ALG9: variants seen among roughly 807,000 people sequenced by gnomAD.
ALG9 encodes the protein alpha-1,2-mannosyltransferase ALG9.
In ALG9, 55 loss-of-function variants were observed where a neutral mutation model predicts 81.8. That is an observed-to-expected ratio of 0.67 (90% CI 0.54 to 0.84). The LOEUF is 0.84. Among genes scored for constraint, ALG9 ranks in the 40% least tolerant of loss-of-function variants. The pLI, the probability that ALG9 is intolerant of heterozygous loss-of-function variation, is 0.00. For missense variants in ALG9, 629 were observed against 745.0 expected (o/e 0.84, Z 1.81); for synonymous variants, 278 against 274.3 (o/e 1.01, Z -0.13).
intron 8 of ALG9, 114 bp from the exon 9 acceptor site, chr11:111,844,837 G>T: frequency 8.4e-7 from 1 of 1,190,938 alleles, no homozygotes; most frequent in Non-Finnish European, 1.2e-6. Context: ...TGCCTCATGG[G>T]AATGAGAGTG....
At chr11:111,804,710 T>C (rs1236101652) in intron 14 of ALG9, among the ~76,000 whole-genome samples, 1 of 152,230 alleles carries the variant, frequency 6.6e-6, no homozygotes, top group Admixed American at 6.5e-5. Flanking sequence ...TATGAAAAGA[T>C]GCTCTGCATC....
intron 13 of ALG9, chr11:111,828,713 A>G (rs782816058): frequency 6.6e-6 from 1 of 152,246 alleles, no homozygotes; most frequent in African/African-American, 2.4e-5. Flanking sequence ...AATGTTGCTC[A>G]AGTCCACCAC....
intron 3 of ALG9, among the ~76,000 whole-genome samples, chr11:111,867,355 A>G (rs896556408): frequency 6.6e-6 from 1 of 152,250 alleles, no homozygotes; most frequent in Non-Finnish European, 1.5e-5. Context: ...AAAACAGTCC[A>G]TCGATAGATT....
At position 111,833,541 on chromosome 11, in the gene ALG9, C is replaced by T. The variant is rs578028398; in HGVS notation, c.1602+2624G>A. Among the ~76,000 whole-genome samples the T allele has an allele frequency of 6.6e-5, 10 of 152,322 alleles. No individual in the cohort carries two copies. The South Asian group carries it at 1.9e-3, about 28-fold the overall frequency. On this transcript the variant is annotated intron_variant, in intron 13 of 14. Coordinates refer to ENST00000616540, the MANE Select transcript of ALG9 (RefSeq NM_024740.2). ...ATAAAAAAAGTCATACAACTTTCCT[C>T]GTTTCCATGCACAATAGAAACGGGA...
intron 14 of ALG9, among the ~76,000 whole-genome samples, chr11:111,791,633 G>A (rs1040898862): frequency 2.0e-5 from 3 of 151,892 alleles, no homozygotes; most frequent in Admixed American, 6.6e-5. Flanking sequence ...TCTTCCTCCC[G>A]GACCTCTACA....
At chr11:111,815,363 G>A (rs1294478652) in intron 13 of ALG9, among the ~76,000 whole-genome samples, 3 of 151,960 alleles carry the variant, frequency 2.0e-5, no homozygotes, top group Non-Finnish European at 2.9e-5. Flanking sequence ...TGATTGTGCC[G>A]CTGCACTCCA....
chr11:111,791,956 G>A (rs1443365598), intron 14 of ALG9, among the ~76,000 whole-genome samples: 3 of 152,184 alleles, frequency 2.0e-5, no homozygotes, highest in Non-Finnish European at 2.9e-5. Context: ...GGTGGCGTGC[G>A]CCTGTAATCC....
intron 10 of ALG9, 50 bp downstream of exon 10, chr11:111,840,605 T>C: frequency 6.2e-7 from 1 of 1,609,148 alleles, no homozygotes. Context: ...TGAGCAATTA[T>C]TTAATAAGTA....
At position 111,797,695 on chromosome 11, in the gene ALG9, C is replaced by T. The variant is rs536672399; in HGVS notation, c.1734-11175G>A. ...TATGCTGGAGCTAAGGGCTGGCTCC[C>T]TTCAACCAGATTACTCTCTACAACA... is the stretch of plus-strand genomic sequence containing the variant. On this transcript the variant is annotated intron_variant, in intron 14 of 14. Transcript: ENST00000616540. Among the ~76,000 whole-genome samples the T allele has an allele frequency of 2.9e-4, 44 of 152,308 alleles. 1 individual carries two copies. Among genetic ancestry groups the T allele is most frequent in the Admixed American group, 4.6e-4 (7 of 15,290 alleles).
chr11:111,816,069 G>A (rs1192043800), intron 13 of ALG9, among the ~76,000 whole-genome samples: 1 of 152,170 alleles, frequency 6.6e-6, no homozygotes, highest in Non-Finnish European at 1.5e-5. Flanking sequence ...TTGGTTTTAG[G>A]TTACATCTTC....
Position 111,836,233 on chromosome 11 carries a change from C to A in ALG9, c.1534G>T (p.Gly512Ter). 2.5e-6 allele frequency: 4 copies of A among 1,614,034 alleles called. No individual in the cohort carries two copies. The highest frequency in any genetic ancestry group is 3.4e-6 in the Non-Finnish European group (4 of 1,179,974). Residue 512 changes from glycine to a stop codon, truncating the protein, a stop_gained, in exon 13 of 15, where the codon GGA becomes TGA. Transcript: ENST00000616540. LOFTEE classifies it high-confidence loss of function. ...GGAACAATCCGGGTGGCCAGAGGTC[C>A]TTCTGCAAAAGGTTTTGGTAACTGA... ...RGQLPKPFAE[G>*]PLATRIVPTD... is the part of the protein sequence containing the mutation.
chr11:111,789,554 A>G (rs1947054717), intron 14 of ALG9, among the ~76,000 whole-genome samples: 1 of 151,604 alleles, frequency 6.6e-6, no homozygotes, highest in African/African-American at 2.4e-5. Context: ...AAATAACTTA[A>G]AAATAGGTTG....
At chr11:111,840,311 G>A (rs1555122435) in intron 10 of ALG9, among the ~76,000 whole-genome samples, 1 of 152,170 alleles carries the variant, frequency 6.6e-6, no homozygotes, top group Non-Finnish European at 1.5e-5. Context: ...ACTGCCTGCT[G>A]TGATCCCAAA....
intron 5 of ALG9, among the ~76,000 whole-genome samples, chr11:111,859,954 A>T (rs1446908337): frequency 6.6e-6 from 1 of 152,116 alleles, no homozygotes; most frequent in African/African-American, 2.4e-5. Flanking sequence ...CTTATACAAC[A>T]CAAATGTTCA....
chr11:111,777,115 T>G, the ALG9 span, among the ~76,000 whole-genome samples: 1 of 151,734 alleles, frequency 6.6e-6, no homozygotes, highest in Non-Finnish European at 1.5e-5. Flanking sequence ...TGGCTGGTAA[T>G]TGCCACTAAG....
At chr11:111,831,843 T>C (rs1555113608) in intron 13 of ALG9, among the ~76,000 whole-genome samples, 1 of 152,260 alleles carries the variant, frequency 6.6e-6, no homozygotes, top group Non-Finnish European at 1.5e-5. Flanking sequence ...CAGTCAATTC[T>C]GTTCTAATAC....
intron 13 of ALG9, among the ~76,000 whole-genome samples, chr11:111,835,564 G>C (rs782294556): frequency 3.9e-5 from 6 of 152,184 alleles, no homozygotes; most frequent in Non-Finnish European, 8.8e-5. Flanking sequence ...GATTTTAATA[G>C]GCCAAGGAAT....
At chr11:111,809,250 C>T (rs1028672001) in intron 14 of ALG9, among the ~76,000 whole-genome samples, 2 of 152,100 alleles carry the variant, frequency 1.3e-5, no homozygotes, top group African/African-American at 4.8e-5. Context: ...AATGATGGGC[C>T]GGGCATGGTG....
At chr11:111,769,143 A>G in the ALG9 span, 2 of 145,606 alleles carry the variant, frequency 1.4e-5, no homozygotes, top group African/African-American at 2.5e-5. Context: ...CCCATCTCTA[A>G]AAAAAAAAAA....
Sources: gnomAD v4.1 joint callset for allele counts (sites outside exome capture counted in the v4.1 genomes callset) on GRCh38, gnomAD v4.1.1 for gene constraint, MANE v1.5 for transcripts, NCBI Gene and HGNC (gene_info 2026-07-23, HGNC 2026-07-21) for gene names.